MAGI1: variants seen among roughly 807,000 people sequenced by gnomAD.
The protein encoded by MAGI1 is membrane associated guanylate kinase, WW and PDZ domain containing 1.
In MAGI1, 58 loss-of-function variants were observed where a neutral mutation model predicts 139.9. That is an observed-to-expected ratio of 0.41 (90% CI 0.34 to 0.52). MAGI1 has a LOEUF of 0.52. MAGI1 is among the 20% of genes least tolerant of loss of function. The probability of loss-of-function intolerance (pLI) is 0.12; values close to 1 mark genes in which losing one functional copy is unlikely to be tolerated. For synonymous variants in MAGI1, 812 were observed against 737.9 expected, an observed-to-expected ratio of 1.10 and a Z score of -1.63; for missense variants, 1,874 against 1,901.6, an observed-to-expected ratio of 0.99 and a Z score of 0.27.
At chr3:65,813,945 C>A (rs2041440874) in intron 1 of MAGI1, among the ~76,000 whole-genome samples, 1 of 152,168 alleles carries the variant, frequency 6.6e-6, no homozygotes, top group South Asian at 2.1e-4. Flanking sequence ...ACAGGTCTTG[C>A]TCCCATTCAT....
At chr3:65,797,077 A>T (rs1344142823) in intron 1 of MAGI1, among the ~76,000 whole-genome samples, 1 of 152,092 alleles carries the variant, frequency 6.6e-6, no homozygotes, top group African/African-American at 2.4e-5. Flanking sequence ...ATGAGTTCTG[A>T]TTATCTATTA....
chr3:65,687,379 T>C, intron 1 of MAGI1: 1 of 329,920 alleles, frequency 3.0e-6, no homozygotes, highest in Non-Finnish European at 6.2e-6. Flanking sequence ...TCAGGCCCTT[T>C]GTACCACATA....
chr3:65,358,090 T>A (rs1940390934), intron 22 of MAGI1, among the ~76,000 whole-genome samples: 1 of 152,180 alleles, frequency 6.6e-6, no homozygotes, highest in Non-Finnish European at 1.5e-5. Flanking sequence ...TTGGAGTCAC[T>A]GGGCTGCTTC....
chr3:65,715,854 T>A (rs1479502350), intron 1 of MAGI1, among the ~76,000 whole-genome samples: 1 of 152,230 alleles, frequency 6.6e-6, no homozygotes, highest in African/African-American at 2.4e-5. Context: ...GGTTGTAGAA[T>A]TCCTTCCGTT....
At chr3:65,455,715 C>T (rs1418239305) in intron 5 of MAGI1, among the ~76,000 whole-genome samples, 7 of 151,748 alleles carry the variant, frequency 4.6e-5, no homozygotes, top group Admixed American at 1.3e-4. Flanking sequence ...CTAGCCTGGG[C>T]GACAGAGTGA....
chr3:65,645,330 A>C (rs2085201588), intron 1 of MAGI1, among the ~76,000 whole-genome samples: 1 of 152,166 alleles, frequency 6.6e-6, no homozygotes, highest in East Asian at 1.9e-4. Context: ...CATAGAAAAA[A>C]TAGAGTGACA....
chr3:65,735,455 C>A (rs1199312610), intron 1 of MAGI1, among the ~76,000 whole-genome samples: 1 of 151,270 alleles, frequency 6.6e-6, no homozygotes, highest in South Asian at 2.1e-4. Flanking sequence ...TACATAAGAA[C>A]CAATAAGATG....
chr3:65,392,676 G>T (rs182705872), intron 13 of MAGI1, among the ~76,000 whole-genome samples: 33 of 152,168 alleles, frequency 2.2e-4, no homozygotes, highest in Middle Eastern at 3.4e-3. Flanking sequence ...AATTTGCAAG[G>T]TCCCTTCATT....
intron 1 of MAGI1, among the ~76,000 whole-genome samples, chr3:65,834,376 G>T (rs973592328): frequency 1.5e-4 from 23 of 152,200 alleles, no homozygotes; most frequent in African/African-American, 5.5e-4. Context: ...AATAGCTCAG[G>T]AAGTCCAAGT....
chr3:65,538,501 A>G (rs922126254), intron 2 of MAGI1, among the ~76,000 whole-genome samples: 1 of 152,220 alleles, frequency 6.6e-6, no homozygotes, highest in Admixed American at 6.5e-5. Context: ...TGCAGAAATC[A>G]ATTCCCTACA....
At chr3:65,622,109 A>G in intron 1 of MAGI1, 21 bp from the exon 2 acceptor site, 1 of 1,523,556 alleles carries the variant, frequency 6.6e-7, no homozygotes, top group Non-Finnish European at 9.1e-7. Flanking sequence ...TACATAAAAT[A>G]GACATACCAC....
chr3:65,830,004 T>C (rs1575632474), intron 1 of MAGI1, among the ~76,000 whole-genome samples: 5 of 152,278 alleles, frequency 3.3e-5, no homozygotes, highest in Admixed American at 3.3e-4. Context: ...GGTATCTACA[T>C]ACACGTGAAA....
At chr3:65,854,674 T>A (rs1012001369) in intron 1 of MAGI1, among the ~76,000 whole-genome samples, 2 of 152,258 alleles carry the variant, frequency 1.3e-5, no homozygotes, top group Admixed American at 6.5e-5. Flanking sequence ...ACGAGAGGGT[T>A]CTGCAAATGA....
At chr3:65,972,301 G>T (rs908757066) in intron 1 of MAGI1, among the ~76,000 whole-genome samples, 1 of 152,188 alleles carries the variant, frequency 6.6e-6, no homozygotes, top group African/African-American at 2.4e-5. Flanking sequence ...CGAGAAAGGA[G>T]CAGAGAATAT....
At chr3:65,824,138 T>C (rs1459012492) in intron 1 of MAGI1, among the ~76,000 whole-genome samples, 2 of 152,206 alleles carry the variant, frequency 1.3e-5, no homozygotes, top group African/African-American at 2.4e-5. Flanking sequence ...ATTGTTTTCA[T>C]TAAAAAAGGA....
intron 3 of MAGI1, among the ~76,000 whole-genome samples, chr3:65,490,600 C>T (rs891185816): frequency 1.3e-5 from 2 of 152,016 alleles, no homozygotes; most frequent in Non-Finnish European, 2.9e-5. Context: ...AATCCCAGTA[C>T]TATGGGAGGT....
At chr3:65,768,068 C>T (rs1409358541) in intron 1 of MAGI1, among the ~76,000 whole-genome samples, 1 of 152,164 alleles carries the variant, frequency 6.6e-6, no homozygotes, top group African/African-American at 2.4e-5. Context: ...TTTAACACAA[C>T]CAAAATAGGC....
At chr3:65,530,763 A>ACACGTG (rs2078651355) in intron 2 of MAGI1, among the ~76,000 whole-genome samples, 3 of 15,256 alleles carry the variant, frequency 2.0e-4, no homozygotes, top group Non-Finnish European at 1.4e-4. Flanking sequence ...ACACGTATAT[A>ACACGTG]TATATATATA....
intron 18 of MAGI1, among the ~76,000 whole-genome samples, chr3:65,371,372 G>A (rs147028893): frequency 6.6e-6 from 1 of 152,308 alleles, no homozygotes; most frequent in East Asian, 1.9e-4. Context: ...TATTAAGTGT[G>A]CAATGGCATT....
Sources: gnomAD v4.1 joint callset for allele counts (sites outside exome capture counted in the v4.1 genomes callset) on GRCh38, gnomAD v4.1.1 for gene constraint, MANE v1.5 for transcripts, NCBI Gene and HGNC (gene_info 2026-07-23, HGNC 2026-07-21) for gene names.